The following LRRC37A2 variants were observed in gnomAD, a reference collection of about 807,000 sequenced individuals.
LRRC37A2 encodes the protein leucine-rich repeat-containing protein 37A2.
A neutral mutation model predicts 68.8 loss-of-function variants in LRRC37A2; 9 were observed. The ratio of observed to expected loss-of-function variants is 0.13; its 90% CI spans 0.08 to 0.23. The LOEUF (loss-of-function observed/expected upper bound fraction) is 0.23. Ranked by LOEUF, LRRC37A2 falls within the 10% of genes least tolerant of loss-of-function variation. The pLI is 1.00. For missense variants in LRRC37A2, 168 were observed against 950.4 expected (o/e 0.18, Z 10.82); for synonymous variants, 63 against 367.6 (o/e 0.17, Z 9.48).
the LRRC37A2 span, among the ~76,000 whole-genome samples, chr17:46,501,012 TCTA>T: frequency 6.6e-6 from 1 of 151,202 alleles, no homozygotes; most frequent in African/African-American, 2.5e-5. Flanking sequence ...AGACCCCGTC[TCTA>T]CTAAAAATAC....
the LRRC37A2 span, among the ~76,000 whole-genome samples, chr17:46,884,043 C>T: frequency 6.6e-6 from 1 of 152,106 alleles, no homozygotes; most frequent in Non-Finnish European, 1.5e-5. Context: ...GTGGTGGAGG[C>T]CGGGCAGAGG....
At chr17:46,761,328 TTG>T in the LRRC37A2 span, among the ~76,000 whole-genome samples, 1 of 151,434 alleles carries the variant, frequency 6.6e-6, no homozygotes, top group African/African-American at 2.4e-5. Flanking sequence ...TGGTTTTTTT[TTG>T]TTTGTTTTTT....
the LRRC37A2 span, among the ~76,000 whole-genome samples, chr17:46,747,001 T>C: frequency 6.6e-6 from 1 of 152,164 alleles, no homozygotes; most frequent in African/African-American, 2.4e-5. Flanking sequence ...TTATAGTCTT[T>C]GGGAAGGAGA....
the LRRC37A2 span, among the ~76,000 whole-genome samples, chr17:46,856,100 T>G: frequency 6.6e-6 from 1 of 152,262 alleles, no homozygotes; most frequent in Admixed American, 6.5e-5. Context: ...GTGTGTGACC[T>G]CTGCACTGGT....
At chr17:46,781,334 C>T in the LRRC37A2 span, among the ~76,000 whole-genome samples, 1 of 150,094 alleles carries the variant, frequency 6.7e-6, no homozygotes. Context: ...CACGGAAGAA[C>T]AAATACTGTA....
At chr17:46,736,306 G>C in the LRRC37A2 span, among the ~76,000 whole-genome samples, 1 of 152,210 alleles carries the variant, frequency 6.6e-6, no homozygotes, top group Non-Finnish European at 1.5e-5. Context: ...TGGCCCACCT[G>C]CTTCCTTTCC....
the LRRC37A2 span, among the ~76,000 whole-genome samples, chr17:46,872,078 G>A: frequency 6.6e-5 from 10 of 152,182 alleles, no homozygotes; most frequent in Admixed American, 6.5e-5. Flanking sequence ...TCTTGGCCAG[G>A]CAGCCACCAA....
chr17:46,986,115 G>T, the LRRC37A2 span, among the ~76,000 whole-genome samples: 7 of 152,186 alleles, frequency 4.6e-5, no homozygotes, highest in South Asian at 1.2e-3. Context: ...GATGTACATT[G>T]TGAATTTCCC....
the LRRC37A2 span, chr17:46,941,710 A>T: frequency 7.5e-5 from 12 of 160,022 alleles, no homozygotes; most frequent in Non-Finnish European, 1.2e-4. Flanking sequence ...AGTAGCTGGA[A>T]CTACAAGTGT....
At chr17:47,040,383 C>A in the LRRC37A2 span, among the ~76,000 whole-genome samples, 1 of 151,822 alleles carries the variant, frequency 6.6e-6, no homozygotes, top group Non-Finnish European at 1.5e-5. Flanking sequence ...TACTTTGTTT[C>A]CTTGCATCTT....
the LRRC37A2 span, among the ~76,000 whole-genome samples, chr17:46,676,233 CT>C: frequency 1.8e-3 from 238 of 135,602 alleles, no homozygotes; most frequent in East Asian, 2.0e-3. Context: ...AATTCTTCTT[CT>C]TTTTTTTTTT....
chr17:46,804,835 G>A, the LRRC37A2 span, among the ~76,000 whole-genome samples: 2 of 152,160 alleles, frequency 1.3e-5, no homozygotes, highest in African/African-American at 4.8e-5. Context: ...TTTGTAAAAT[G>A]GACCAATCAG....
chr17:46,736,346 T>TTCCCC, the LRRC37A2 span, among the ~76,000 whole-genome samples: 2 of 152,192 alleles, frequency 1.3e-5, no homozygotes, highest in Admixed American at 1.3e-4. Context: ...GTGGCTGAAG[T>TTCCCC]TCCCCTTTTC....
chr17:46,864,677 A>G, the LRRC37A2 span, among the ~76,000 whole-genome samples: 1 of 151,990 alleles, frequency 6.6e-6, no homozygotes, highest in Admixed American at 6.6e-5. Flanking sequence ...GTGATGGCTG[A>G]TTTGGCTTCC....
chr17:46,735,671 G>A, the LRRC37A2 span, among the ~76,000 whole-genome samples: 11 of 152,084 alleles, frequency 7.2e-5, no homozygotes, highest in African/African-American at 1.4e-4. Flanking sequence ...CTGTCCAGGC[G>A]CAGTGGCTCA....
the LRRC37A2 span, chr17:46,832,883 G>A: frequency 6.0e-6 from 1 of 166,158 alleles, no homozygotes; most frequent in African/African-American, 2.4e-5. Context: ...AGGTTAGGGG[G>A]GTGAGGTGTC....
At chr17:46,982,418 G>A in the LRRC37A2 span, among the ~76,000 whole-genome samples, 1 of 152,200 alleles carries the variant, frequency 6.6e-6, no homozygotes, top group Admixed American at 6.5e-5. Flanking sequence ...TTGTGAGGAG[G>A]CTGACATGAT....
chr17:46,822,048 A>G, the LRRC37A2 span, among the ~76,000 whole-genome samples: 2 of 152,202 alleles, frequency 1.3e-5, no homozygotes, highest in Admixed American at 1.3e-4. Context: ...TGGGGGGGTA[A>G]AGGGAGAGGC....
At chr17:46,939,332 C>T in the LRRC37A2 span, 2 of 1,010,918 alleles carry the variant, frequency 2.0e-6, no homozygotes, top group Non-Finnish European at 1.2e-6. Context: ...AAGCAGCTAC[C>T]TAGGGGAAAC....
Sources: allele counts gnomAD v4.1 joint callset (sites outside exome capture counted in the v4.1 genomes callset), GRCh38; gene constraint gnomAD v4.1.1; transcripts MANE v1.5; gene names NCBI Gene and HGNC (gene_info 2026-07-23, HGNC 2026-07-21).